The following DCTN4 variants were observed in gnomAD, a reference collection of about 807,000 sequenced individuals.
DCTN4 encodes dynactin subunit 4.
Under a neutral mutation model 62.7 loss-of-function variants are expected in DCTN4, and 23 were observed. The observed-to-expected ratio is 0.37, with a 90% CI of 0.26 to 0.52. DCTN4 has a LOEUF of 0.52. DCTN4 is among the 20% of genes least tolerant of loss of function. The pLI is 0.92. For missense variants in DCTN4, 514 were observed against 580.4 expected (o/e 0.89, Z 1.18); for synonymous variants, 199 against 202.1 (o/e 0.98, Z 0.13).
rs113851365 is a variant in DCTN4, at chr5:150,719,782, TAAAA to T, written c.909-16_909-13del. 1.9e-6 allele frequency: 3 copies of T among 1,580,758 alleles called. No individual in the cohort carries two copies. In the African/African-American group the frequency reaches 4.1e-5, roughly 21 times the overall value. Reference sequence around the variant, plus strand: ...CTGGAATATAATTGCTGTGCATAAATAAAAAAATGCATTAATGTTCATTGGAGTC... The same window carrying T: ...CTGGAATATAATTGCTGTGCATAAATAAATGCATTAATGTTCATTGGAGTC... On this transcript the variant is annotated splice_polypyrimidine_tract_variant and intron_variant, in intron 9 of 12. Transcript: ENST00000447998.
chr5:150,732,367 T>C (rs898968967), intron 5 of DCTN4, among the ~76,000 whole-genome samples: 2 of 152,194 alleles, frequency 1.3e-5, no homozygotes, highest in Non-Finnish European at 2.9e-5. Context: ...GCCAGACTGG[T>C]CTTGAAATCC....
Position 150,740,532 on chromosome 5 carries a change from C to G in DCTN4, c.429+1582G>C, listed in dbSNP as rs527319923. On this transcript the variant is annotated intron_variant, in intron 4 of 12. Transcript: ENST00000447998. The stretch of plus-strand genomic sequence containing the variant: ...CTAAAAGTAGATCTACCGTTTGATC[C>G]AATAATCCTACTACTGGGTATCTAC... Among the ~76,000 whole-genome samples the G allele has an allele frequency of 2.0e-5, 3 of 152,172 alleles. No homozygotes were observed. The East Asian group carries it at 5.8e-4, about 29-fold the overall frequency.
In DCTN4 at chr5:150,715,659, C is replaced by T. The variant is rs867470431; in HGVS notation, c.1075G>A (p.Val359Met). Residue 359 changes from valine to methionine, a missense_variant, in exon 12 of 13, where the codon GTG becomes ATG. Physicochemically the swap from Val to Met is conservative, Grantham distance 21 (BLOSUM62 1). Transcript: ENST00000447998. ...AAAACGAGCTCTTTGGGAGGCACCA[C>T]CACCTGGAGAGCAACACAGAGAGGC... Reference protein sequence around the residue: ...PDDINSTAKVVVPPKELVLAG... With the variant: ...PDDINSTAKVMVPPKELVLAG... The T allele has an allele frequency of 1.9e-6, 3 of 1,613,880 alleles. No individual in the cohort carries two copies. Among genetic ancestry groups the T allele is most frequent in the Middle Eastern group, 1.6e-4 (1 of 6,080 alleles).
intron 1 of DCTN4, among the ~76,000 whole-genome samples, chr5:150,756,858 A>G (rs1752883266): frequency 1.3e-5 from 2 of 152,226 alleles, no homozygotes; most frequent in Non-Finnish European, 2.9e-5. Flanking sequence ...CTAGCTTTAT[A>G]TGACTATAAA....
intron 6 of DCTN4, 122 bp from the exon 7 acceptor site, chr5:150,731,278 T>C: frequency 2.1e-6 from 2 of 973,494 alleles, no homozygotes; most frequent in South Asian, 1.4e-5. Context: ...AATATCTGTA[T>C]AGCGTAGGTC....
At chr5:150,726,497 C>G (rs1320563169) in intron 8 of DCTN4, among the ~76,000 whole-genome samples, 1 of 152,132 alleles carries the variant, frequency 6.6e-6, no homozygotes, top group African/African-American at 2.4e-5. Context: ...AGTGGTTAGG[C>G]CAATCCTCCC....
chr5:150,736,577 C>A (rs1760590169), intron 4 of DCTN4, among the ~76,000 whole-genome samples: 1 of 152,086 alleles, frequency 6.6e-6, no homozygotes. Flanking sequence ...TTTGTCAGTA[C>A]CAAGCCAGCA....
intron 8 of DCTN4, among the ~76,000 whole-genome samples, chr5:150,728,565 G>T (rs574121827): frequency 2.0e-4 from 30 of 152,044 alleles, no homozygotes; most frequent in Admixed American, 5.2e-4. Context: ...TATATATTTT[G>T]AGTCTATTAT....
In DCTN4 at chr5:150,731,109, T is replaced by A. The variant is rs1317957991; in HGVS notation, c.659A>T (p.Gln220Leu). 6.2e-7 allele frequency: 1 copy of A among 1,613,366 alleles called. No individual in the cohort carries two copies. Among genetic ancestry groups the A allele is most frequent in the African/African-American group, 1.3e-5 (1 of 74,936 alleles). The change falls in exon 7 of 13, where the codon CAG (glutamine) becomes CTG (leucine). Residue 220 changes from glutamine to leucine, a missense_variant. Transcript: ENST00000447998. Reference sequence around the variant, plus strand: ...TAGAGGTTCCACTTCATCCACAGCCTGAGCTGGCTCAATCTTTATCTCTTT... The same window carrying A: ...TAGAGGTTCCACTTCATCCACAGCCAGAGCTGGCTCAATCTTTATCTCTTT... ...DQKEIKIEPA[Q>L]AVDEVEPLPE...
intron 4 of DCTN4, 106 bp downstream of exon 4, chr5:150,742,008 T>C: frequency 3.2e-6 from 3 of 938,124 alleles, no homozygotes; most frequent in Non-Finnish European, 5.3e-6. Context: ...AGACGTATTA[T>C]GGACTTATAA....
rs957779184 is a variant in DCTN4, at chr5:150,710,267, T to C, written c.*882A>G. 7.9e-5 allele frequency: 12 copies of C among 152,348 alleles called. No homozygotes were observed. Among genetic ancestry groups the C allele is most frequent in the Non-Finnish European group, 1.6e-4 (11 of 68,028 alleles). 9.4% of individuals were successfully genotyped at this position (152,348 alleles called of 1,614,324 possible). A position where few individuals can be genotyped will look rare whatever the true frequency, so the allele number is the denominator to read the frequency against. On this transcript the variant is annotated 3_prime_UTR_variant, in exon 13 of 13. Coordinates refer to ENST00000447998, the MANE Select transcript of DCTN4 (RefSeq NM_016221.4). Reference sequence around the variant, plus strand: ...TCCACTCAGGTTTTCTTTGGGTTCTTTTCCAGGTCCCAAACAGAACAACTT... The same window carrying C: ...TCCACTCAGGTTTTCTTTGGGTTCTCTTCCAGGTCCCAAACAGAACAACTT...
chr5:150,718,914 G>A (rs1440379950), intron 10 of DCTN4, among the ~76,000 whole-genome samples: 1 of 152,058 alleles, frequency 6.6e-6, no homozygotes. Context: ...AACCTCCTGG[G>A]CTCAGGTGAT....
intron 8 of DCTN4, among the ~76,000 whole-genome samples, chr5:150,727,543 G>A (rs1240015873): frequency 2.0e-5 from 3 of 152,132 alleles, no homozygotes; most frequent in Admixed American, 6.5e-5. Context: ...TTGGGAGGCC[G>A]AGGCGGGCGG....
At chr5:150,726,595 A>G (rs1760153588) in intron 8 of DCTN4, among the ~76,000 whole-genome samples, 1 of 152,154 alleles carries the variant, frequency 6.6e-6, no homozygotes, top group Non-Finnish European at 1.5e-5. Flanking sequence ...ATATTTTTGG[A>G]GTGAAAATTA....
chr5:150,746,639 CA>C (rs1396300899), intron 3 of DCTN4, among the ~76,000 whole-genome samples: 7 of 152,152 alleles, frequency 4.6e-5, no homozygotes, highest in African/African-American at 7.2e-5. Flanking sequence ...TCAACATACG[CA>C]AATCAATAAA....
intron 8 of DCTN4, among the ~76,000 whole-genome samples, 189 bp downstream of exon 8, chr5:150,730,442 A>C (rs766508177): frequency 1.3e-5 from 2 of 152,266 alleles, no homozygotes; most frequent in Non-Finnish European, 2.9e-5. Flanking sequence ...AGTAGTACCT[A>C]CCTCACAGAG....
chr5:150,755,282 A>G (rs1296195878), intron 2 of DCTN4, among the ~76,000 whole-genome samples: 1 of 152,256 alleles, frequency 6.6e-6, no homozygotes, highest in Non-Finnish European at 1.5e-5. Context: ...ATGCAAAAGA[A>G]TTCCAAATCC....
At position 150,711,044 on chromosome 5, in the gene DCTN4, T is replaced by G; in HGVS notation, c.*105A>C. 1 of 1,091,322 alleles carries G rather than the reference T, an allele frequency of 9.2e-7. No homozygotes were observed. Among genetic ancestry groups the G allele is most frequent in the Non-Finnish European group, 1.3e-6 (1 of 742,340 alleles). 67.6% of individuals were successfully genotyped at this position (1,091,322 alleles called of 1,614,324 possible). On this transcript the variant is annotated 3_prime_UTR_variant, in exon 13 of 13. Coordinates refer to ENST00000447998, the MANE Select transcript of DCTN4 (RefSeq NM_016221.4). ...CTTAGCAATAGAATTCCGTAGTGCA[T>G]GGGTACATCGTTATAAACAAGGCCT...
At chr5:150,731,014 G>A in intron 7 of DCTN4, 30 bp downstream of exon 7, 1 of 1,343,392 alleles carries the variant, frequency 7.4e-7, no homozygotes, top group Non-Finnish European at 1.1e-6. Context: ...ATGTAGACTA[G>A]AAACAAAGTA....
Sources: allele counts gnomAD v4.1 joint callset (sites outside exome capture counted in the v4.1 genomes callset), GRCh38; gene constraint gnomAD v4.1.1; transcripts MANE v1.5; gene names NCBI Gene and HGNC (gene_info 2026-07-23, HGNC 2026-07-21).